The following RAB2A variants were observed in gnomAD, a reference collection of about 807,000 sequenced individuals.
RAB2A encodes RAB2A, member RAS oncogene family.
A neutral mutation model predicts 32.5 loss-of-function variants in RAB2A; 7 were observed. The observed-to-expected ratio is 0.22, with a 90% CI of 0.12 to 0.40. The LOEUF (loss-of-function observed/expected upper bound fraction) is 0.40, where lower values mean the gene tolerates loss of function less well. RAB2A is among the 10% of genes least tolerant of loss of function. RAB2A has a pLI of 1.00. For missense variants in RAB2A, 108 were observed against 260.7 expected (o/e 0.41, Z 4.03); for synonymous variants, 79 against 85.2 (o/e 0.93, Z 0.40).
chr8:60,613,686 G>A (rs1255018609), intron 6 of RAB2A, among the ~76,000 whole-genome samples: 1 of 152,056 alleles, frequency 6.6e-6, no homozygotes, highest in Non-Finnish European at 1.5e-5. Flanking sequence ...AGATTTTCTT[G>A]AAAGCAAAAT....
intron 2 of RAB2A, 139 bp downstream of exon 2, chr8:60,559,062 C>G: frequency 1.6e-6 from 1 of 607,950 alleles, no homozygotes; most frequent in Non-Finnish European, 2.9e-6. Context: ...ATCTCTGTCA[C>G]TTTTTTAAAA....
At chr8:60,592,383 C>T (rs926985669) in intron 6 of RAB2A, among the ~76,000 whole-genome samples, 4 of 152,118 alleles carry the variant, frequency 2.6e-5, no homozygotes, top group African/African-American at 9.7e-5. Context: ...TGGACTTCTT[C>T]GTGTTGCATG....
Position 60,598,937 on chromosome 8 carries a change from C to CAAAAAAAAAAAA in RAB2A, c.474+6986_474+6997dup, listed in dbSNP as rs56406651. ...GGAAGTTCTAGCCAGTGCAGTAAAG[C>CAAAAAAAAAAAA]AAAAAAAAAAAAAAAAAAAAAAAAA... is the stretch of plus-strand genomic sequence containing the variant. On this transcript the variant is annotated intron_variant, in intron 6 of 7. Coordinates refer to ENST00000262646, the MANE Select transcript of RAB2A (RefSeq NM_002865.3). 4.2e-4 allele frequency among the ~76,000 whole-genome samples: 17 copies of CAAAAAAAAAAAA among 40,388 alleles called. 1 individual carries two copies. Among genetic ancestry groups the CAAAAAAAAAAAA allele is most frequent in the Non-Finnish European group, 5.1e-4 (10 of 19,642 alleles). 26.5% of individuals were successfully genotyped at this position (40,388 alleles called of 152,430 possible). A position where few individuals can be genotyped will look rare whatever the true frequency, so the allele number is the denominator to read the frequency against.
At chr8:60,518,595 GC>G (rs1563455966) in intron 1 of RAB2A, among the ~76,000 whole-genome samples, 1 of 17,106 alleles carries the variant, frequency 5.8e-5, no homozygotes, top group Non-Finnish European at 8.9e-5. Context: ...GGTGGAGTTT[GC>G]AAAAAAAAAA....
intron 6 of RAB2A, among the ~76,000 whole-genome samples, chr8:60,604,619 T>C (rs968968012): frequency 6.6e-6 from 1 of 152,216 alleles, no homozygotes; most frequent in African/African-American, 2.4e-5. Context: ...ACTTTTGTTA[T>C]GCTTTAGCAA....
intron 6 of RAB2A, among the ~76,000 whole-genome samples, chr8:60,618,296 G>T (rs1804480737): frequency 6.6e-6 from 1 of 152,126 alleles, no homozygotes; most frequent in Non-Finnish European, 1.5e-5. Context: ...ATCAGGTTGA[G>T]GAGTTCCCTT....
At chr8:60,585,755 T>C (rs1803835897) in intron 5 of RAB2A, among the ~76,000 whole-genome samples, 4 of 152,338 alleles carry the variant, frequency 2.6e-5, no homozygotes, top group Middle Eastern at 6.8e-3. Flanking sequence ...TGGTAAGATA[T>C]TTCAGCCAGT....
intron 6 of RAB2A, among the ~76,000 whole-genome samples, chr8:60,599,571 A>C (rs926615406): frequency 6.6e-6 from 1 of 152,192 alleles, no homozygotes; most frequent in African/African-American, 2.4e-5. Flanking sequence ...GATACTGGTA[A>C]AGGGATAGAC....
chr8:60,538,378 A>G (rs907201583), intron 1 of RAB2A, among the ~76,000 whole-genome samples: 4 of 152,266 alleles, frequency 2.6e-5, no homozygotes, highest in African/African-American at 7.2e-5. Context: ...ATTAGGAAAC[A>G]TAAACTACAC....
intron 3 of RAB2A, among the ~76,000 whole-genome samples, chr8:60,573,443 C>T (rs1808225255): frequency 6.6e-6 from 1 of 152,168 alleles, no homozygotes; most frequent in Admixed American, 6.5e-5. Flanking sequence ...GCTGTGGGAC[C>T]TGGGTTTCCT....
rs1348743947 is a variant in RAB2A at position 60,615,029 on chromosome 8, A to C, written c.475-3551A>C. ...CTTGTTTCATGGTGCAAACAGTGAA[A>C]TCATTGAAACAAATGAAATCATTTG... On this transcript the variant is annotated intron_variant, in intron 6 of 7. Coordinates refer to ENST00000262646, the MANE Select transcript of RAB2A (RefSeq NM_002865.3). Among the ~76,000 whole-genome samples, 3 of 152,240 alleles carry C rather than the reference A, an allele frequency of 2.0e-5. No individual in the cohort carries two copies. The South Asian group carries it at 6.2e-4, about 32-fold the overall frequency.
Position 60,622,995 on chromosome 8 carries a change from A to T in RAB2A, c.*2226A>T, listed in dbSNP as rs1267651107. ...CCTGCAGTTGAATTTGTAATATTGT[A>T]ATTGAATTTTTAGTTGATCTTCGAT... On this transcript the variant is annotated 3_prime_UTR_variant, in exon 8 of 8. Coordinates refer to ENST00000262646, the MANE Select transcript of RAB2A (RefSeq NM_002865.3). 1 of 152,230 alleles carries T rather than the reference A, an allele frequency of 6.6e-6. No individual in the cohort carries two copies. Among genetic ancestry groups the T allele is most frequent in the African/African-American group, 2.4e-5 (1 of 41,464 alleles). The allele number at this position is 152,230 out of a possible 1,614,324, so 9.4% of individuals were successfully genotyped here.
At chr8:60,575,807 ACCACCACG>A (rs1011555553) in intron 3 of RAB2A, among the ~76,000 whole-genome samples, 2 of 151,638 alleles carry the variant, frequency 1.3e-5, no homozygotes, top group African/African-American at 4.8e-5. Flanking sequence ...ACAGGCATGC[ACCACCACG>A]CCCGGCTAAT....
At position 60,558,686 on chromosome 8, in the gene RAB2A, A is replaced by G. The variant is rs547527124; in HGVS notation, c.47-166A>G. 15 of 661,946 alleles carry G rather than the reference A, an allele frequency of 2.3e-5. No homozygotes were observed. In the East Asian group the frequency reaches 4.2e-4, roughly 18 times the overall value. The allele number at this position is 661,946 out of a possible 1,614,324, so 41.0% of individuals were successfully genotyped here. The stretch of plus-strand genomic sequence containing the variant: ...TTAGATTGGTTTACAGCTTCCACCT[A>G]AATCATCAGTCCTCTTATTTTGCAA... On this transcript the variant is annotated intron_variant, in intron 1 of 7. Transcript: ENST00000262646.
At chr8:60,571,972 A>C in intron 2 of RAB2A, 74 bp from the exon 3 acceptor site, 1 of 1,084,674 alleles carries the variant, frequency 9.2e-7, no homozygotes, top group South Asian at 1.4e-5. Flanking sequence ...GGAAGTAAAC[A>C]TTCTGTTTTT....
intron 1 of RAB2A, among the ~76,000 whole-genome samples, chr8:60,542,172 T>C (rs1490154357): frequency 1.3e-5 from 2 of 152,130 alleles, no homozygotes; most frequent in African/African-American, 2.4e-5. Context: ...AGTTAAGTCT[T>C]AAAGATGAGT....
chr8:60,590,383 G>A (rs2130852875), intron 5 of RAB2A, among the ~76,000 whole-genome samples: 1 of 151,064 alleles, frequency 6.6e-6, no homozygotes, highest in South Asian at 2.1e-4. Context: ...CAGTCCTGTA[G>A]TCCTAGCAAT....
At chr8:60,579,961 T>C (rs1351250207) in intron 3 of RAB2A, among the ~76,000 whole-genome samples, 2 of 149,258 alleles carry the variant, frequency 1.3e-5, no homozygotes, top group Non-Finnish European at 3.0e-5. Context: ...TAAAACAATA[T>C]AGGTCAATCC....
intron 6 of RAB2A, among the ~76,000 whole-genome samples, chr8:60,604,780 G>A (rs1001121085): frequency 6.6e-6 from 1 of 152,178 alleles, no homozygotes; most frequent in African/African-American, 2.4e-5. Context: ...TCTCATATGT[G>A]TGAGCAGAGA....
Sources: gnomAD v4.1 joint callset for allele counts (sites outside exome capture counted in the v4.1 genomes callset) on GRCh38, gnomAD v4.1.1 for gene constraint, MANE v1.5 for transcripts, NCBI Gene and HGNC (gene_info 2026-07-23, HGNC 2026-07-21) for gene names.